The following AGBL4 variants were observed in gnomAD, a reference collection of about 807,000 sequenced individuals.
The protein encoded by AGBL4 is cytosolic carboxypeptidase 6.
Under a neutral mutation model 66.4 loss-of-function variants are expected in AGBL4, and 58 were observed. The ratio of observed to expected loss-of-function variants is 0.87; its 90% confidence interval spans 0.71 to 1.09. The LOEUF (loss-of-function observed/expected upper bound fraction) is 1.09, where lower values mean the gene tolerates loss of function less well. Among genes scored for constraint, AGBL4 ranks in the 50% least tolerant of loss-of-function variants. The probability of loss-of-function intolerance (pLI) is 0.00; values close to 1 mark genes in which losing one functional copy is unlikely to be tolerated. For synonymous variants in AGBL4, 234 were observed against 222.9 expected (o/e 1.05, Z -0.44); for missense variants, 579 against 631.0 (o/e 0.92, Z 0.88).
At chr1:48,954,179 C>G (rs1266820120) in intron 5 of AGBL4, among the ~76,000 whole-genome samples, 1 of 152,204 alleles carries the variant, frequency 6.6e-6, no homozygotes, top group Admixed American at 6.5e-5. Context: ...GGACCAAAGA[C>G]CAGCTCTGAA....
chr1:49,499,563 T>C (rs1577942), intron 3 of AGBL4, among the ~76,000 whole-genome samples: 109,793 of 151,106 alleles, frequency 0.73, 41,578 homozygotes, highest in African/African-American at 0.92. Context: ...ATTCTTATGC[T>C]TTTGTTTCCT....
At chr1:48,527,833 G>A in the AGBL4 span, among the ~76,000 whole-genome samples, 3 of 152,088 alleles carry the variant, frequency 2.0e-5, no homozygotes, top group African/African-American at 7.2e-5. Context: ...GAAATGGGGC[G>A]TGAAAGACAC....
chr1:49,436,389 T>C (rs1453384769), intron 3 of AGBL4, among the ~76,000 whole-genome samples: 1 of 152,096 alleles, frequency 6.6e-6, no homozygotes, highest in Admixed American at 6.5e-5. Flanking sequence ...ACAGCAGTAC[T>C]CTCAAAAGCA....
intron 3 of AGBL4, among the ~76,000 whole-genome samples, chr1:49,388,370 C>CA (rs199991221): frequency 0.022 from 3,383 of 150,432 alleles, 57 homozygotes; most frequent in Non-Finnish European, 0.035. Context: ...ACTTAATGTA[C>CA]AAAAAAAAAT....
At chr1:48,796,752 A>G (rs113409420) in intron 6 of AGBL4, among the ~76,000 whole-genome samples, 2 of 152,212 alleles carry the variant, frequency 1.3e-5, no homozygotes, top group African/African-American at 4.8e-5. Flanking sequence ...CAGCTCTGTA[A>G]CCATAGACAG....
rs115716416 is a variant in AGBL4, at chr1:49,255,626, C to T, written c.283-9762G>A. On this transcript the variant is annotated intron_variant, in intron 3 of 13. Transcript: ENST00000371839. ...TGGCAATTCCTCAAAAACCTAAAGA[C>T]AGAAATGTCATTTGATCCAGCAATC... is the stretch of plus-strand genomic sequence containing the variant. Among the ~76,000 whole-genome samples, 894 of 152,228 alleles carry T rather than the reference C, an allele frequency of 5.9e-3. 6 individuals carry two copies. The highest frequency in any genetic ancestry group is 9.7e-3 in the Non-Finnish European group (662 of 67,984).
chr1:49,551,435 G>C (rs993510244), intron 3 of AGBL4, among the ~76,000 whole-genome samples: 1 of 152,170 alleles, frequency 6.6e-6, no homozygotes. Flanking sequence ...CTCTGTCAGA[G>C]GGAAGGTCTA....
At chr1:48,897,788 G>T in intron 5 of AGBL4, among the ~76,000 whole-genome samples, 1 of 143,614 alleles carries the variant, frequency 7.0e-6, no homozygotes. Flanking sequence ...AGAAATGTCT[G>T]TTCGGATCTT....
intron 5 of AGBL4, among the ~76,000 whole-genome samples, chr1:48,913,323 G>A (rs1653304295): frequency 6.6e-6 from 1 of 152,174 alleles, no homozygotes; most frequent in South Asian, 2.1e-4. Flanking sequence ...ATGGGGGAGT[G>A]AGAGGAGTCA....
At chr1:48,949,552 C>T (rs1656796827) in intron 5 of AGBL4, among the ~76,000 whole-genome samples, 1 of 152,226 alleles carries the variant, frequency 6.6e-6, no homozygotes, top group African/African-American at 2.4e-5. Flanking sequence ...AAAGAATCCA[C>T]AAGAGCATCC....
At chr1:49,103,304 G>A (rs1221555369) in intron 4 of AGBL4, among the ~76,000 whole-genome samples, 1 of 152,198 alleles carries the variant, frequency 6.6e-6, no homozygotes, top group Non-Finnish European at 1.5e-5. Context: ...TGCAAGCACA[G>A]TCCTGCGAAC....
chr1:49,881,714 G>A (rs551127560), intron 1 of AGBL4, among the ~76,000 whole-genome samples: 13 of 150,678 alleles, frequency 8.6e-5, no homozygotes, highest in African/African-American at 1.2e-4. Flanking sequence ...CATGTCCCTC[G>A]CCCACTTTTT....
intron 5 of AGBL4, among the ~76,000 whole-genome samples, chr1:48,918,401 G>A (rs550732086): frequency 4.6e-5 from 7 of 152,304 alleles, no homozygotes; most frequent in South Asian, 4.1e-4. Flanking sequence ...CACAGATGAC[G>A]GAAACAACTG....
Position 48,918,817 on chromosome 1 carries a change from G to T in AGBL4, c.595-51587C>A, listed in dbSNP as rs115193180. Among the ~76,000 whole-genome samples the T allele has an allele frequency of 5.9e-3, 892 of 152,308 alleles. 13 individuals carry two copies. Among genetic ancestry groups the T allele is most frequent in the Middle Eastern group, 0.017 (5 of 294 alleles). On this transcript the variant is annotated intron_variant, in intron 5 of 13. Coordinates refer to ENST00000371839, the MANE Select transcript of AGBL4 (RefSeq NM_032785.4). ...CCCTCACCTGGGCGTCAGCACAGCT[G>T]TATACCAATTTCATAGTGACTCATT... is the stretch of plus-strand genomic sequence containing the variant.
intron 3 of AGBL4, among the ~76,000 whole-genome samples, chr1:49,537,141 A>T (rs997438878): frequency 3.3e-5 from 5 of 152,232 alleles, no homozygotes; most frequent in Non-Finnish European, 7.3e-5. Flanking sequence ...TATAAAAATA[A>T]ACTCAAGATG....
At chr1:49,597,744 A>G (rs1039834860) in intron 3 of AGBL4, among the ~76,000 whole-genome samples, 18 of 152,200 alleles carry the variant, frequency 1.2e-4, no homozygotes, top group African/African-American at 4.1e-4. Context: ...CATCCCTTGT[A>G]GGTTGTATTT....
intron 4 of AGBL4, among the ~76,000 whole-genome samples, chr1:49,132,295 T>G (rs765122084): frequency 5.9e-5 from 9 of 151,854 alleles, no homozygotes; most frequent in Non-Finnish European, 1.0e-4. Flanking sequence ...GTGGGAGCAG[T>G]GTTGAAGAGT....
intron 2 of AGBL4, among the ~76,000 whole-genome samples, chr1:49,698,721 A>G: frequency 6.6e-6 from 1 of 152,140 alleles, no homozygotes; most frequent in East Asian, 1.9e-4. Flanking sequence ...AATAACAAGA[A>G]GTTGAAAAGG....
intron 3 of AGBL4, among the ~76,000 whole-genome samples, chr1:49,654,221 T>C (rs953584730): frequency 5.9e-5 from 9 of 152,184 alleles, no homozygotes; most frequent in Non-Finnish European, 1.2e-4. Context: ...AATTTCCATG[T>C]AGTTCAGCGG....
Sources: gnomAD v4.1 joint callset for allele counts (sites outside exome capture counted in the v4.1 genomes callset) on GRCh38, gnomAD v4.1.1 for gene constraint, MANE v1.5 for transcripts, NCBI Gene and HGNC (gene_info 2026-07-23, HGNC 2026-07-21) for gene names.